The following RAB44 variants were observed in gnomAD, a reference collection of about 807,000 sequenced individuals.
RAB44 encodes the protein ras-related protein Rab-44.
A neutral mutation model predicts 93.3 loss-of-function variants in RAB44; 67 were observed. The observed-to-expected ratio is 0.72, with a 90% CI of 0.59 to 0.88. The LOEUF (loss-of-function observed/expected upper bound fraction) is 0.88. Ranked by LOEUF, RAB44 falls within the 40% of genes least tolerant of loss-of-function variation. The pLI is 0.00. For missense variants in RAB44, 1,064 were observed against 1,261.7 expected, an observed-to-expected ratio of 0.84 and a Z score of 2.37; for synonymous variants, 427 against 520.3, an observed-to-expected ratio of 0.82 and a Z score of 2.44.
intron 9 of RAB44, among the ~76,000 whole-genome samples, chr6:36,725,329 C>T (rs1763210092): frequency 6.6e-6 from 1 of 152,250 alleles, no homozygotes; most frequent in Non-Finnish European, 1.5e-5. Flanking sequence ...GCATGTGTCA[C>T]CACGCCTTTT....
intron 1 of RAB44, among the ~76,000 whole-genome samples, chr6:36,703,707 AG>A (rs1762568136): frequency 6.6e-6 from 1 of 151,662 alleles, no homozygotes; most frequent in African/African-American, 2.4e-5. Flanking sequence ...AAAAGGCTGG[AG>A]GAGAGGTGAG....
intron 9 of RAB44, among the ~76,000 whole-genome samples, chr6:36,723,113 A>G (rs146194907): frequency 2.0e-5 from 3 of 152,366 alleles, no homozygotes; most frequent in South Asian, 2.1e-4. Context: ...CTGGGCAGCC[A>G]TGGTCTGGCA....
At chr6:36,713,774 G>C in intron 2 of RAB44, 54 bp from the exon 3 acceptor site, 1 of 1,114,952 alleles carries the variant, frequency 9.0e-7, no homozygotes, top group Non-Finnish European at 1.3e-6. Flanking sequence ...CCGTTTTGGA[G>C]GGTGAGAGCC....
intron 2 of RAB44, among the ~76,000 whole-genome samples, chr6:36,706,225 T>TTTG (rs59412613): frequency 0.32 from 47,775 of 151,658 alleles, 9,529 homozygotes; most frequent in African/African-American, 0.57. Flanking sequence ...AAATCTGTAG[T>TTTG]TTGTTCTATT....
At chr6:36,702,457 C>T (rs1225477000) in intron 1 of RAB44, among the ~76,000 whole-genome samples, 1 of 152,182 alleles carries the variant, frequency 6.6e-6, no homozygotes, top group Non-Finnish European at 1.5e-5. Flanking sequence ...GTGGAATGAC[C>T]CCCTGGAATG....
rs961883555 is a variant in RAB44, at chr6:36,717,156, C to T, written c.495-117C>T. ...CTTGTAGGGTGTCAATAGATTTGGC[C>T]CAGGTGCCAAAGTCTCTTGGAGCGC... is the stretch of plus-strand genomic sequence containing the variant. On this transcript the variant is annotated intron_variant, in intron 4 of 13. Coordinates refer to ENST00000612677, the MANE Select transcript of RAB44 (RefSeq NM_001257357.2). The surrounding 1 kb of genome is among the most constrained non-coding windows in gnomAD (Gnocchi z 4.1). 1.3e-5 allele frequency: 13 copies of T among 1,006,430 alleles called. No homozygotes were observed. Among genetic ancestry groups the T allele is most frequent in the Non-Finnish European group, 1.7e-5 (13 of 782,980 alleles). The allele number at this position is 1,006,430 out of a possible 1,614,324, so 62.3% of individuals were successfully genotyped here.
At chr6:36,705,382 TCCTCCCTCCCTC>T (rs530650243) in intron 2 of RAB44, among the ~76,000 whole-genome samples, 2 of 123,406 alleles carry the variant, frequency 1.6e-5, no homozygotes, top group South Asian at 2.8e-4. Context: ...GTTTCAGATT[TCCTCCCTCCCTC>T]CCTCCCTCCC....
chr6:36,715,793 G>A, intron 4 of RAB44, 140 bp downstream of exon 4: 1 of 792,400 alleles, frequency 1.3e-6, no homozygotes, highest in East Asian at 2.7e-5. Context: ...TTGGCTAGCT[G>A]TGTGACCACA....
intron 2 of RAB44, among the ~76,000 whole-genome samples, chr6:36,706,437 T>G (rs1762651871): frequency 6.6e-6 from 1 of 152,202 alleles, no homozygotes; most frequent in Non-Finnish European, 1.5e-5. Flanking sequence ...GCTTCCTGTC[T>G]TCTTGAGGTC....
At chr6:36,713,329 G>A (rs903909264) in intron 2 of RAB44, among the ~76,000 whole-genome samples, 1 of 152,138 alleles carries the variant, frequency 6.6e-6, no homozygotes, top group Non-Finnish European at 1.5e-5. Context: ...CCAAGTAGCT[G>A]GGACTACAGT....
At position 36,711,464 on chromosome 6, in the gene RAB44, T is replaced by G. The variant is rs1301829013; in HGVS notation, c.208-2364T>G. Among the ~76,000 whole-genome samples the G allele has an allele frequency of 2.0e-5, 3 of 152,200 alleles. No homozygotes were observed. In the East Asian group the frequency reaches 5.8e-4, roughly 29 times the overall value. On this transcript the variant is annotated intron_variant, in intron 2 of 13. Coordinates refer to ENST00000612677, the MANE Select transcript of RAB44 (RefSeq NM_001257357.2). Reference sequence around the variant, plus strand: ...ATTATATGTGTTTTATCAAAACAATTATTAAACCAGTCTAATTTGTTCAAA... The same window carrying G: ...ATTATATGTGTTTTATCAAAACAATGATTAAACCAGTCTAATTTGTTCAAA...
chr6:36,722,332 G>A lies in RAB44; in HGVS notation c.2198G>A (p.Gly733Asp). 7.5e-7 allele frequency: 1 copy of A among 1,340,114 alleles called. No individual in the cohort carries two copies. The highest frequency in any genetic ancestry group is 9.5e-7 in the Non-Finnish European group (1 of 1,047,198). 83.0% of individuals were successfully genotyped at this position (1,340,114 alleles called of 1,614,324 possible). The change falls in exon 9 of 14, where the codon GGC (glycine) becomes GAC (aspartate). Residue 733 changes from glycine (G) to aspartate (D), a missense_variant. Physicochemically the swap from Gly to Asp is moderately conservative, Grantham distance 94 (BLOSUM62 -1). Transcript: ENST00000612677. ...CCACAGGCTCAGGTGGAAGCAGAAG[G>A]CCCCACTCCTGGAAAATCGGCACCT... is the stretch of plus-strand genomic sequence containing the variant. ...ATPQAQVEAE[G>D]PTPGKSAPPR...
intron 1 of RAB44, among the ~76,000 whole-genome samples, chr6:36,698,356 T>A (rs11753407): frequency 1.3e-5 from 2 of 152,090 alleles, no homozygotes; most frequent in Non-Finnish European, 1.5e-5. Flanking sequence ...CAGTGATGGA[T>A]ACCCGGAGGC....
Position 36,699,673 on chromosome 6 carries a change from G to A in RAB44, c.-13+1758G>A, listed in dbSNP as rs572803822. ...AAGTCCATCCCATGACCAACCAGAA[G>A]AGCAGAGTCTGGTGTAGTTCTACCA... is the stretch of plus-strand genomic sequence containing the variant. On this transcript the variant is annotated intron_variant, in intron 1 of 13. Coordinates refer to ENST00000612677, the MANE Select transcript of RAB44 (RefSeq NM_001257357.2). 6.6e-5 allele frequency among the ~76,000 whole-genome samples: 10 copies of A among 152,334 alleles called. No homozygotes were observed. The South Asian group carries it at 1.9e-3, about 28-fold the overall frequency.
intron 3 of RAB44, among the ~76,000 whole-genome samples, chr6:36,715,118 T>TATATATATATA (rs1562058557): frequency 6.6e-6 from 1 of 151,614 alleles, no homozygotes; most frequent in African/African-American, 2.4e-5. Flanking sequence ...TATATATATA[T>TATATATATATA]TCTTTTCAAC....
intron 8 of RAB44, among the ~76,000 whole-genome samples, chr6:36,720,812 T>TAC (rs753393276): frequency 2.0e-5 from 3 of 152,084 alleles, no homozygotes; most frequent in Non-Finnish European, 4.4e-5. Context: ...TGTACACACA[T>TAC]ACACACACAC....
At position 36,722,511 on chromosome 6, in the gene RAB44, A is replaced by G. The variant is rs568620272; in HGVS notation, c.2377A>G (p.Arg793Gly). The part of the protein sequence containing the change: ...HAEEQGPPHS[R>G]EPRAESRLED... ...AGAAGAACAAGGCCCGCCTCACTCC[A>G]GGGAACCAAGGGCAGAGAGCAGGCT... The change falls in exon 9 of 14, where the codon AGG becomes GGG. Residue 793 changes from arginine (R) to glycine (G), a missense_variant. Arg to Gly is a moderately radical substitution (Grantham distance 125). Transcript: ENST00000612677. 21 of 1,510,734 alleles carry G rather than the reference A, an allele frequency of 1.4e-5. No individual in the cohort carries two copies. In the South Asian group the frequency reaches 2.1e-4, roughly 15 times the overall value. The allele number at this position is 1,510,734 out of a possible 1,614,324, so 93.6% of individuals were successfully genotyped here. A position where few individuals can be genotyped will look rare whatever the true frequency, so the allele number is the denominator to read the frequency against.
At chr6:36,701,897 G>A (rs55761439) in intron 1 of RAB44, among the ~76,000 whole-genome samples, 16,945 of 152,144 alleles carry the variant, frequency 0.11, 1,117 homozygotes, top group African/African-American at 0.17. Flanking sequence ...CTGGCACTGG[G>A]CTGTGTCTGC....
chr6:36,731,570 G>A lies in RAB44; in HGVS notation c.2976-433G>A, dbSNP rs236461. ...CTCTCTCGGCACTGAGCCGCGCCAT[G>A]GCCCTCTGCTTGGGATGCACCTCCC... On this transcript the variant is annotated intron_variant, in intron 13 of 13. Transcript: ENST00000612677. This position sits in a 1 kb window ranked among gnomAD's most constrained non-coding sequence, Gnocchi z 4.0. Among the ~76,000 whole-genome samples the A allele has an allele frequency of 0.46, 70,298 of 151,910 alleles. 16,414 individuals are homozygous for A. The highest frequency in any genetic ancestry group is 0.51 in the Middle Eastern group (149 of 292).
Sources: allele counts gnomAD v4.1 joint callset (sites outside exome capture counted in the v4.1 genomes callset), GRCh38; gene constraint gnomAD v4.1.1; non-coding constraint Gnocchi (gnomAD v3.1); transcripts MANE v1.5; gene names NCBI Gene and HGNC (gene_info 2026-07-23, HGNC 2026-07-21).